Variants in KLHL3 observed in about 807,000 individuals in gnomAD.
KLHL3 encodes the protein kelch like family member 3.
Under a neutral mutation model 70.5 loss-of-function variants are expected in KLHL3, and 19 were observed. The observed-to-expected ratio is 0.27, with a 90% CI of 0.19 to 0.40. The LOEUF (loss-of-function observed/expected upper bound fraction) is 0.40. KLHL3 is among the 10% of genes least tolerant of loss of function. The pLI, the probability that KLHL3 is intolerant of heterozygous loss-of-function variation, is 1.00. For missense variants in KLHL3, 512 were observed against 771.1 expected (o/e 0.66, Z 3.98); for synonymous variants, 258 against 290.3 (o/e 0.89, Z 1.13).
At chr5:137,719,948 A>G (rs922905321) in intron 2 of KLHL3, among the ~76,000 whole-genome samples, 1 of 152,156 alleles carries the variant, frequency 6.6e-6, no homozygotes, top group Non-Finnish European at 1.5e-5. Context: ...GATAGGTGTT[A>G]AATACATACA....
intron 5 of KLHL3, among the ~76,000 whole-genome samples, chr5:137,685,704 G>A (rs915310174): frequency 2.0e-5 from 3 of 152,178 alleles, no homozygotes; most frequent in Non-Finnish European, 4.4e-5. Context: ...GAGATGGGGT[G>A]TCTTGTTATG....
At chr5:137,684,827 T>G (rs1752123942) in intron 5 of KLHL3, among the ~76,000 whole-genome samples, 2 of 152,216 alleles carry the variant, frequency 1.3e-5, no homozygotes, top group Non-Finnish European at 2.9e-5. Flanking sequence ...TGCCACTAGC[T>G]AAGGCAAGAG....
At chr5:137,642,832 T>C (rs1750949681) in intron 8 of KLHL3, among the ~76,000 whole-genome samples, 1 of 151,852 alleles carries the variant, frequency 6.6e-6, no homozygotes, top group African/African-American at 2.4e-5. Context: ...AGTTTGCTTA[T>C]ACTTGGCATA....
chr5:137,664,424 CA>C (rs901441303), intron 6 of KLHL3, among the ~76,000 whole-genome samples: 5 of 149,642 alleles, frequency 3.3e-5, no homozygotes, highest in Non-Finnish European at 7.4e-5. Flanking sequence ...CTCTTATATC[CA>C]AAAAAAAATG....
intron 8 of KLHL3, among the ~76,000 whole-genome samples, chr5:137,645,760 T>A (rs1751028436): frequency 1.3e-5 from 2 of 149,782 alleles, no homozygotes; most frequent in South Asian, 4.3e-4. Context: ...GTAATCCTTA[T>A]CAAACTACCA....
chr5:137,646,636 T>C (rs1475018972), intron 8 of KLHL3, among the ~76,000 whole-genome samples: 1 of 152,152 alleles, frequency 6.6e-6, no homozygotes, highest in Admixed American at 6.5e-5. Flanking sequence ...ACTTGAACCA[T>C]TCTCTCCTAT....
intron 12 of KLHL3, chr5:137,629,573 A>G (rs1219896541): frequency 1.3e-5 from 2 of 152,222 alleles, no homozygotes; most frequent in Non-Finnish European, 2.9e-5. Flanking sequence ...CTCCATATGG[A>G]TGAGGACTGT....
At chr5:137,641,935 C>T (rs1283522588) in intron 8 of KLHL3, among the ~76,000 whole-genome samples, 1 of 152,226 alleles carries the variant, frequency 6.6e-6, no homozygotes, top group African/African-American at 2.4e-5. Context: ...GTCCACTGCT[C>T]TGTGTCAAGA....
At chr5:137,706,829 C>G (rs965272027) in intron 3 of KLHL3, among the ~76,000 whole-genome samples, 4 of 152,140 alleles carry the variant, frequency 2.6e-5, no homozygotes, top group Non-Finnish European at 5.9e-5. Context: ...GAAGACCATG[C>G]TAGGCAGCAG....
At chr5:137,712,732 T>C (rs1305725958) in intron 2 of KLHL3, among the ~76,000 whole-genome samples, 1 of 152,124 alleles carries the variant, frequency 6.6e-6, no homozygotes, top group Admixed American at 6.6e-5. Context: ...ATGTAGCTGT[T>C]AGGAAGGAGC....
At chr5:137,730,518 G>A (rs1324101486) in intron 1 of KLHL3, among the ~76,000 whole-genome samples, 1 of 152,206 alleles carries the variant, frequency 6.6e-6, no homozygotes, top group African/African-American at 2.4e-5. Context: ...AGCAGATGCT[G>A]TCATTCTTGT....
chr5:137,696,742 C>A (rs1307788058), intron 4 of KLHL3, among the ~76,000 whole-genome samples: 1 of 152,136 alleles, frequency 6.6e-6, no homozygotes, highest in Non-Finnish European at 1.5e-5. Context: ...GTTTATTTAA[C>A]CCCTTTGAGC....
intron 3 of KLHL3, among the ~76,000 whole-genome samples, chr5:137,703,927 T>C (rs1057049813): frequency 4.6e-5 from 7 of 151,526 alleles, no homozygotes; most frequent in Non-Finnish European, 1.0e-4. Flanking sequence ...TCCACAAGAA[T>C]TTTAAAAACT....
In KLHL3 at chr5:137,618,357, A is replaced by T. The variant is rs1756283185; in HGVS notation, c.*3741T>A. The T allele has an allele frequency of 6.6e-6, 1 of 152,178 alleles. No homozygotes were observed. Among genetic ancestry groups the T allele is most frequent in the South Asian group, 2.1e-4 (1 of 4,834 alleles). 9.4% of individuals were successfully genotyped at this position (152,178 alleles called of 1,614,324 possible). A position where few individuals can be genotyped will look rare whatever the true frequency, so the allele number is the denominator to read the frequency against. ...AATAATAATAATAATAATAAATTTT[A>T]AAAACCATGATGCAAATGGCAGATA... is the stretch of plus-strand genomic sequence containing the variant. On this transcript the variant is annotated 3_prime_UTR_variant, in exon 15 of 15. Transcript: ENST00000309755.
At chr5:137,662,112 AAAAG>A in intron 6 of KLHL3, 81 bp from the exon 7 acceptor site, 1 of 612,572 alleles carries the variant, frequency 1.6e-6, no homozygotes, top group Non-Finnish European at 2.8e-6. Context: ...AAAAAAAAAA[AAAAG>A]AGAGAGAGAA....
At chr5:137,703,912 C>G (rs1247971332) in intron 3 of KLHL3, among the ~76,000 whole-genome samples, 1 of 151,906 alleles carries the variant, frequency 6.6e-6, no homozygotes, top group African/African-American at 2.4e-5. Flanking sequence ...CCTCCACCCC[C>G]GACATCCACA....
chr5:137,721,686 G>C (rs544974707), intron 1 of KLHL3, among the ~76,000 whole-genome samples: 1 of 152,336 alleles, frequency 6.6e-6, no homozygotes, highest in African/African-American at 2.4e-5. Context: ...CATGCCTGTA[G>C]TCCCAGCTAC....
intron 1 of KLHL3, among the ~76,000 whole-genome samples, chr5:137,729,175 C>A (rs886356855): frequency 6.6e-6 from 1 of 151,794 alleles, no homozygotes; most frequent in African/African-American, 2.4e-5. Context: ...TACAAGAGGC[C>A]CAAGCACATT....
At chr5:137,690,475 G>T (rs527682358) in intron 5 of KLHL3, among the ~76,000 whole-genome samples, 28 of 152,322 alleles carry the variant, frequency 1.8e-4, no homozygotes, top group African/African-American at 6.3e-4. Flanking sequence ...TGGAGAATAT[G>T]CAGGGAAAAG....
Sources: allele counts gnomAD v4.1 joint callset (sites outside exome capture counted in the v4.1 genomes callset), GRCh38; gene constraint gnomAD v4.1.1; transcripts MANE v1.5; gene names NCBI Gene and HGNC (gene_info 2026-07-23, HGNC 2026-07-21).